Variants in PDK1 observed in about 807,000 individuals in gnomAD.
PDK1 encodes the protein [Pyruvate dehydrogenase (acetyl-transferring)] kinase isozyme 1, mitochondrial.
A neutral mutation model predicts 54.2 loss-of-function variants in PDK1; 39 were observed. The observed-to-expected ratio is 0.72, with a 90% confidence interval of 0.56 to 0.94. PDK1 has a LOEUF of 0.94. PDK1 is among the 40% of genes least tolerant of loss of function. PDK1 has a pLI of 0.00. For missense variants in PDK1, 552 were observed against 566.0 expected (o/e 0.98, Z 0.25); for synonymous variants, 221 against 207.1 (o/e 1.07, Z -0.58).
chr2:172,709,312 A>C, the PDK1 span, among the ~76,000 whole-genome samples: 1 of 152,158 alleles, frequency 6.6e-6, no homozygotes, highest in South Asian at 2.1e-4. Context: ...TCAAAAACTC[A>C]AACATCTTAT....
the PDK1 span, among the ~76,000 whole-genome samples, chr2:172,632,311 C>T: frequency 6.6e-6 from 1 of 151,834 alleles, no homozygotes; most frequent in Non-Finnish European, 1.5e-5. Flanking sequence ...GGAATTTTGA[C>T]TGGAATTGCA....
In PDK1 at chr2:172,596,106, A is replaced by C; in HGVS notation, c.*137A>C. The C allele has an allele frequency of 1.4e-6, 1 of 727,802 alleles. No individual in the cohort carries two copies. The highest frequency in any genetic ancestry group is 2.2e-6 in the Non-Finnish European group (1 of 461,060). The allele number at this position is 727,802 out of a possible 1,614,324, so 45.1% of individuals were successfully genotyped here. ...ATTTGAGTAGAATAAATGGAAACTG[A>C]ATTCCATTTGTGCCCGTTAAACCTC... is the stretch of plus-strand genomic sequence containing the variant. On this transcript the variant is annotated 3_prime_UTR_variant, in exon 11 of 11. Transcript: ENST00000282077.
At chr2:172,651,890 T>A in the PDK1 span, among the ~76,000 whole-genome samples, 1 of 152,190 alleles carries the variant, frequency 6.6e-6, no homozygotes, top group African/African-American at 2.4e-5. Flanking sequence ...ACCAGTGGTA[T>A]GAGGAAGAGC....
the PDK1 span, among the ~76,000 whole-genome samples, chr2:172,689,072 G>C: frequency 2.0e-5 from 3 of 152,230 alleles, no homozygotes; most frequent in Non-Finnish European, 4.4e-5. Flanking sequence ...CTGCTGGCTA[G>C]AGTGGCCAGC....
the PDK1 span, chr2:172,674,969 A>G: frequency 6.6e-6 from 1 of 152,222 alleles, no homozygotes; most frequent in Non-Finnish European, 1.5e-5. Flanking sequence ...TTCTCACAAT[A>G]TTTCACATTT....
chr2:172,617,027 G>C, the PDK1 span, among the ~76,000 whole-genome samples: 1 of 152,134 alleles, frequency 6.6e-6, no homozygotes, highest in African/African-American at 2.4e-5. Flanking sequence ...TCGGCTCACT[G>C]CAACCTCCAC....
the PDK1 span, among the ~76,000 whole-genome samples, chr2:172,653,503 T>C: frequency 6.6e-6 from 1 of 151,680 alleles, no homozygotes; most frequent in Non-Finnish European, 1.5e-5. Flanking sequence ...CTTGGGCAGC[T>C]AAGTAACAAA....
At chr2:172,635,320 C>A in the PDK1 span, among the ~76,000 whole-genome samples, 11 of 151,976 alleles carry the variant, frequency 7.2e-5, no homozygotes, top group Admixed American at 7.2e-4. Flanking sequence ...AACTTTTTTG[C>A]GGGGCGGAGG....
At chr2:172,621,885 A>G in the PDK1 span, among the ~76,000 whole-genome samples, 2 of 143,716 alleles carry the variant, frequency 1.4e-5, 1 homozygote, top group South Asian at 4.3e-4. Flanking sequence ...ATATGTTTAT[A>G]TCTCATATGT....
At chr2:172,593,111 TAACTG>T (rs1368689780) in intron 10 of PDK1, 63 bp downstream of exon 10, 4 of 852,422 alleles carry the variant, frequency 4.7e-6, no homozygotes, top group Non-Finnish European at 7.7e-6. Context: ...TGTCCATACT[TAACTG>T]TAATGAAATT....
the PDK1 span, among the ~76,000 whole-genome samples, chr2:172,653,719 G>A: frequency 6.6e-6 from 1 of 152,108 alleles, no homozygotes; most frequent in East Asian, 1.9e-4. Flanking sequence ...CATGGGCAAG[G>A]ACTTCCTGAC....
chr2:172,641,748 A>G, the PDK1 span, among the ~76,000 whole-genome samples: 1 of 152,136 alleles, frequency 6.6e-6, no homozygotes, highest in Non-Finnish European at 1.5e-5. Flanking sequence ...CCTGTCCCAG[A>G]TCATTTATTT....
At chr2:172,664,342 C>T in the PDK1 span, among the ~76,000 whole-genome samples, 2 of 105,338 alleles carry the variant, frequency 1.9e-5, no homozygotes, top group South Asian at 3.6e-4. Flanking sequence ...AAAGCATTGC[C>T]TTGCTTTATA....
chr2:172,609,987 A>G (rs2149329492), downstream of PDK1, among the ~76,000 whole-genome samples: 1 of 152,146 alleles, frequency 6.6e-6, no homozygotes, highest in South Asian at 2.1e-4. Flanking sequence ...ACACCTGGCT[A>G]ATTTTTGTAT....
intron 9 of PDK1, among the ~76,000 whole-genome samples, chr2:172,588,673 T>A (rs962961062): frequency 6.6e-6 from 1 of 152,202 alleles, no homozygotes; most frequent in Non-Finnish European, 1.5e-5. Flanking sequence ...TTGTAGATGG[T>A]CCCAGTCAGC....
At chr2:172,695,344 G>A in the PDK1 span, among the ~76,000 whole-genome samples, 34,429 of 152,082 alleles carry the variant, frequency 0.23, 4,081 homozygotes, top group Admixed American at 0.26. Context: ...CTCATATGTT[G>A]AGGACCTACT....
chr2:172,646,952 G>A, the PDK1 span, among the ~76,000 whole-genome samples: 2 of 151,892 alleles, frequency 1.3e-5, no homozygotes, highest in Admixed American at 6.6e-5. Flanking sequence ...GCTCAGGCTG[G>A]TCTGAAACTC....
the PDK1 span, among the ~76,000 whole-genome samples, chr2:172,614,255 A>AAGTCCCCAGTG: frequency 6.6e-6 from 1 of 151,348 alleles, no homozygotes; most frequent in African/African-American, 2.4e-5. Context: ...AGTCCCCAGT[A>AAGTCCCCAGTG]AGTCCCCACC....
rs1162160385 is a variant in PDK1, at chr2:172,600,782, T to A, written c.*4813T>A. The A allele has an allele frequency of 6.6e-6, 1 of 152,226 alleles. No homozygotes were observed. The highest frequency in any genetic ancestry group is 1.5e-5 in the Non-Finnish European group (1 of 68,046). 9.4% of individuals were successfully genotyped at this position (152,226 alleles called of 1,614,324 possible). On this transcript the variant is annotated 3_prime_UTR_variant, in exon 11 of 11. Coordinates refer to ENST00000282077, the MANE Select transcript of PDK1 (RefSeq NM_002610.5). ...GTGTGCTATCTGTACAGAGCATAGCTTTTTATCAGCTCTTATCCCATTCCT... is the reference window on the plus strand; with the variant it reads ...GTGTGCTATCTGTACAGAGCATAGCATTTTATCAGCTCTTATCCCATTCCT...
Sources: gnomAD v4.1 joint callset for allele counts (sites outside exome capture counted in the v4.1 genomes callset) on GRCh38, gnomAD v4.1.1 for gene constraint, MANE v1.5 for transcripts, NCBI Gene and HGNC (gene_info 2026-07-23, HGNC 2026-07-21) for gene names.